USH2A: variants seen among roughly 807,000 people sequenced by gnomAD.
USH2A encodes usherin, also known as Usher syndrome 2A (autosomal recessive, mild).
Under a neutral mutation model 538.9 loss-of-function variants are expected in USH2A, and 443 were observed. That is an observed-to-expected ratio of 0.82 (90% CI 0.76 to 0.89). USH2A has a LOEUF of 0.89. Among genes scored for constraint, USH2A ranks in the 40% least tolerant of loss-of-function variants. The pLI is 0.00. For missense variants in USH2A, 6,633 were observed against 6,324.8 expected, an observed-to-expected ratio of 1.05 and a Z score of -1.65; for synonymous variants, 2,413 against 2,273.5, an observed-to-expected ratio of 1.06 and a Z score of -1.75.
chr1:215,715,109 G>A (rs1432834387), intron 61 of USH2A, among the ~76,000 whole-genome samples: 1 of 152,144 alleles, frequency 6.6e-6, no homozygotes, highest in East Asian at 1.9e-4. Flanking sequence ...AGCCCCACAT[G>A]CATTAGCTAC....
At chr1:216,385,709 C>T (rs1259875886) in intron 3 of USH2A, among the ~76,000 whole-genome samples, 1 of 152,184 alleles carries the variant, frequency 6.6e-6, no homozygotes, top group East Asian at 1.9e-4. Context: ...TGAACTGTAT[C>T]CTCAGCTTTA....
chr1:216,307,017 C>T (rs1177879597), intron 9 of USH2A, among the ~76,000 whole-genome samples: 1 of 151,958 alleles, frequency 6.6e-6, no homozygotes, highest in Admixed American at 6.5e-5. Context: ...GGCCTTCAGA[C>T]AGGAGGTGGC....
intron 38 of USH2A, among the ~76,000 whole-genome samples, chr1:215,919,752 G>A (rs976898749): frequency 6.6e-6 from 1 of 151,904 alleles, no homozygotes; most frequent in Non-Finnish European, 1.5e-5. Context: ...GTTAACTTTA[G>A]ATTATCAAGA....
In USH2A at chr1:216,097,123, T is replaced by A; in HGVS notation, c.4718A>T (p.Gln1573Leu). 6.2e-7 allele frequency: 1 copy of A among 1,614,144 alleles called. No individual in the cohort carries two copies. Reference protein sequence around the residue: ...PGNQEEYFALQLKKGRLYFLF... With the variant: ...PGNQEEYFALLLKKGRLYFLF... ...AAAATAAAGACGTCCCTTCTTCAACTGAAGTGCAAAATACTCTTCCTGATT... is the reference window on the plus strand; with the variant it reads ...AAAATAAAGACGTCCCTTCTTCAACAGAAGTGCAAAATACTCTTCCTGATT... The change falls in exon 22 of 72, where the codon CAG becomes CTG. Residue 1573 changes from glutamine to leucine, a missense_variant. Physicochemically the swap from Gln to Leu is moderately radical, Grantham distance 113. Coordinates refer to ENST00000307340, the MANE Select transcript of USH2A (RefSeq NM_206933.4).
intron 4 of USH2A, among the ~76,000 whole-genome samples, chr1:216,333,526 G>T (rs1372075059): frequency 6.6e-6 from 1 of 151,898 alleles, no homozygotes; most frequent in African/African-American, 2.4e-5. Context: ...AGAGGTAAAA[G>T]GACTGAAAGA....
Position 215,965,462 on chromosome 1 carries a change from T to C in USH2A, c.6975A>G (p.Leu2325=), listed in dbSNP as rs2102453998. The C allele has an allele frequency of 6.2e-7, 1 of 1,613,726 alleles. No individual in the cohort carries two copies. Among genetic ancestry groups the C allele is most frequent in the Non-Finnish European group, 8.5e-7 (1 of 1,179,742 alleles). ...ALGPLVENRT[L]EAPPEGTVNV... is the part of the protein sequence containing the mutation. Reference sequence around the variant, plus strand: ...TTACTGTTCCTTCAGGAGGAGCTTCTAGAGTTCGATTTTCCACCTGTGAGT... The same window carrying C: ...TTACTGTTCCTTCAGGAGGAGCTTCCAGAGTTCGATTTTCCACCTGTGAGT... Residue 2325 remains leucine (L), a synonymous_variant, in exon 37 of 72, where the codon CTA becomes CTG. Transcript: ENST00000307340.
intron 21 of USH2A, among the ~76,000 whole-genome samples, chr1:216,162,265 C>T (rs1483250331): frequency 6.6e-6 from 1 of 151,972 alleles, no homozygotes; most frequent in Non-Finnish European, 1.5e-5. Context: ...TTGCCTTCTG[C>T]AATGTTTCAT....
At position 216,370,677 on chromosome 1, in the gene USH2A, CAAAAAAA is replaced by C. The variant is rs58845914; in HGVS notation, c.652-5599_652-5593del. On this transcript the variant is annotated intron_variant, in intron 3 of 71. Coordinates refer to ENST00000307340, the MANE Select transcript of USH2A (RefSeq NM_206933.4). ...TGGGGAACAGAGCCAGACTCTGTCT[CAAAAAAA>C]AAAAAAAAAAAAAAAAAATACTCAA... Among the ~76,000 whole-genome samples, 29 of 29,990 alleles carry C rather than the reference CAAAAAAA, an allele frequency of 9.7e-4. 2 individuals carry two copies. Among genetic ancestry groups the C allele is most frequent in the African/African-American group, 2.7e-3 (24 of 8,976 alleles). The allele number at this position is 29,990 out of a possible 152,430, so 19.7% of individuals were successfully genotyped here.
Position 215,715,006 on chromosome 1 carries a change from C to T in USH2A, c.12066+13024G>A, listed in dbSNP as rs374217732. Among the ~76,000 whole-genome samples, 11 of 152,236 alleles carry T rather than the reference C, an allele frequency of 7.2e-5. No individual in the cohort carries two copies. The East Asian group carries it at 1.5e-3, about 21-fold the overall frequency. ...ACTTTTAAAATTTAATTTAAAGTTCCGGGATACACGTGCAGGATGTGCAGG... is the reference window on the plus strand; with the variant it reads ...ACTTTTAAAATTTAATTTAAAGTTCTGGGATACACGTGCAGGATGTGCAGG... On this transcript the variant is annotated intron_variant, in intron 61 of 71. Transcript: ENST00000307340.
At chr1:216,042,040 A>C (rs2102520999) in intron 32 of USH2A, among the ~76,000 whole-genome samples, 1 of 152,156 alleles carries the variant, frequency 6.6e-6, no homozygotes, top group East Asian at 1.9e-4. Flanking sequence ...AAATAGAGAT[A>C]GATTAGATAC....
At chr1:215,844,217 A>G (rs1399400663) in intron 46 of USH2A, 77 bp downstream of exon 46, 45 of 1,411,804 alleles carry the variant, frequency 3.2e-5, no homozygotes, top group Non-Finnish European at 4.5e-5. Flanking sequence ...GACAGAAGAT[A>G]TCCACTTGAA....
At chr1:216,282,034 C>T (rs527491341) in intron 11 of USH2A, among the ~76,000 whole-genome samples, 147 of 151,858 alleles carry the variant, frequency 9.7e-4, no homozygotes, top group African/African-American at 2.7e-3. Flanking sequence ...AGATTATTTG[C>T]GCATTTTAAA....
intron 50 of USH2A, among the ~76,000 whole-genome samples, chr1:215,795,108 T>C (rs755311953): frequency 2.0e-5 from 3 of 152,208 alleles, no homozygotes; most frequent in Non-Finnish European, 4.4e-5. Flanking sequence ...TCATATTGAC[T>C]CTTCCCTGAG....
intron 47 of USH2A, 116 bp from the exon 48 acceptor site, chr1:215,817,311 G>A: frequency 2.1e-6 from 1 of 476,828 alleles, no homozygotes; most frequent in Non-Finnish European, 3.2e-6. Context: ...AATTATATAT[G>A]TTTATATATG....
intron 69 of USH2A, among the ~76,000 whole-genome samples, chr1:215,637,841 T>C (rs1275447554): frequency 4.1e-5 from 6 of 145,842 alleles, no homozygotes; most frequent in Non-Finnish European, 5.9e-5. Context: ...AAAAAAAAAC[T>C]CTATACATGC....
chr1:216,371,742 C>T (rs1014999572), intron 3 of USH2A, among the ~76,000 whole-genome samples: 1 of 152,146 alleles, frequency 6.6e-6, no homozygotes, highest in African/African-American at 2.4e-5. Flanking sequence ...ATTTGATGAG[C>T]ATGCTTTACC....
intron 30 of USH2A, among the ~76,000 whole-genome samples, chr1:216,066,262 A>C (rs1027891980): frequency 2.0e-5 from 3 of 152,056 alleles, no homozygotes; most frequent in African/African-American, 7.2e-5. Flanking sequence ...CGAGGTCAGG[A>C]AATCGAGACC....
At chr1:216,289,119 C>T (rs2036945691) in intron 11 of USH2A, among the ~76,000 whole-genome samples, 161 bp downstream of exon 11, 1 of 152,142 alleles carries the variant, frequency 6.6e-6, no homozygotes, top group Non-Finnish European at 1.5e-5. Context: ...ATTTCATGTC[C>T]ATACTCAAAG....
chr1:216,420,289 A>G (rs1018961962), intron 2 of USH2A, among the ~76,000 whole-genome samples: 1 of 152,120 alleles, frequency 6.6e-6, no homozygotes, highest in Admixed American at 6.6e-5. Flanking sequence ...TTAATATGTT[A>G]TTGATTATCT....
Sources: gnomAD v4.1 joint callset for allele counts (sites outside exome capture counted in the v4.1 genomes callset) on GRCh38, gnomAD v4.1.1 for gene constraint, MANE v1.5 for transcripts, NCBI Gene and HGNC (gene_info 2026-07-23, HGNC 2026-07-21) for gene names.